The following PRKCE variants were observed in gnomAD, a reference collection of about 807,000 sequenced individuals.
PRKCE encodes protein kinase C epsilon.
Under a neutral mutation model 85.4 loss-of-function variants are expected in PRKCE, and 16 were observed. That is an observed-to-expected ratio of 0.19 (90% confidence interval 0.13 to 0.28). The LOEUF (loss-of-function observed/expected upper bound fraction) is 0.28. Ranked by LOEUF, PRKCE falls within the 10% of genes least tolerant of loss-of-function variation. PRKCE has a pLI of 1.00. For synonymous variants in PRKCE, 388 were observed against 371.5 expected, an observed-to-expected ratio of 1.04 and a Z score of -0.51; for missense variants, 573 against 975.2, an observed-to-expected ratio of 0.59 and a Z score of 5.49.
At chr2:45,716,630 G>A (rs1022860101) in intron 1 of PRKCE, among the ~76,000 whole-genome samples, 1 of 146,302 alleles carries the variant, frequency 6.8e-6, no homozygotes, top group African/African-American at 2.5e-5. Context: ...GAAGGAGAAG[G>A]AGAAGAAGAA....
intron 1 of PRKCE, among the ~76,000 whole-genome samples, chr2:45,796,002 C>G (rs536607772): frequency 1.3e-5 from 2 of 152,190 alleles, no homozygotes; most frequent in Admixed American, 6.5e-5. Context: ...TACTCCCATC[C>G]TCCATCTCCC....
At chr2:45,680,431 T>C (rs1676798569) in intron 1 of PRKCE, among the ~76,000 whole-genome samples, 1 of 152,188 alleles carries the variant, frequency 6.6e-6, no homozygotes, top group Admixed American at 6.5e-5. Flanking sequence ...CGCTAACCTG[T>C]GGTGGGGATG....
chr2:45,687,811 T>G (rs1332474433), intron 1 of PRKCE, among the ~76,000 whole-genome samples: 3 of 152,242 alleles, frequency 2.0e-5, no homozygotes, highest in Non-Finnish European at 4.4e-5. Flanking sequence ...GGGAGAGTCC[T>G]AATTATAAGG....
intron 10 of PRKCE, among the ~76,000 whole-genome samples, chr2:46,080,759 G>A (rs1668993964): frequency 6.6e-6 from 1 of 152,180 alleles, no homozygotes; most frequent in African/African-American, 2.4e-5. Flanking sequence ...GTTCCTCAAG[G>A]AGCTGAACAT....
rs142038084 is a variant in PRKCE, at chr2:45,931,769, C to T, written c.413-44660C>T. Among the ~76,000 whole-genome samples the T allele has an allele frequency of 4.3e-3, 650 of 152,136 alleles. 6 individuals carry two copies. The highest frequency in any genetic ancestry group is 0.015 in the African/African-American group (607 of 41,504). On this transcript the variant is annotated intron_variant, in intron 2 of 14. Transcript: ENST00000306156. ...CCACCCAGGCTGGAGTGCAGTGGCG[C>T]GATTTCGGCTCACTGCAGCCTTCGC...
At chr2:45,857,547 C>A (rs1692775074) in intron 2 of PRKCE, among the ~76,000 whole-genome samples, 1 of 152,122 alleles carries the variant, frequency 6.6e-6, no homozygotes, top group South Asian at 2.1e-4. Context: ...TAATTTTTTT[C>A]TAATTCATTG....
intron 1 of PRKCE, among the ~76,000 whole-genome samples, chr2:45,801,467 G>C (rs76864461): frequency 0.05 from 7,658 of 151,840 alleles, 638 homozygotes; most frequent in African/African-American, 0.17. Context: ...AGTGGAGAAG[G>C]GGGTAAATCC....
intron 11 of PRKCE, among the ~76,000 whole-genome samples, chr2:46,105,696 C>T (rs1671651695): frequency 1.3e-5 from 2 of 152,134 alleles, no homozygotes; most frequent in African/African-American, 4.8e-5. Context: ...ACACAATTTG[C>T]TGGAGAGAGG....
At chr2:45,758,142 C>T (rs1381679823) in intron 1 of PRKCE, among the ~76,000 whole-genome samples, 1 of 152,198 alleles carries the variant, frequency 6.6e-6, no homozygotes, top group East Asian at 1.9e-4. Flanking sequence ...GATTGCCTCT[C>T]TATGCATCCT....
chr2:45,928,658 A>G (rs1217212825), intron 2 of PRKCE, among the ~76,000 whole-genome samples: 1 of 152,198 alleles, frequency 6.6e-6, no homozygotes, highest in Non-Finnish European at 1.5e-5. Context: ...TTTTTAACAG[A>G]AGGATGCCGA....
chr2:46,045,156 C>A (rs1189358340), intron 10 of PRKCE, among the ~76,000 whole-genome samples: 1 of 152,072 alleles, frequency 6.6e-6, no homozygotes, highest in Non-Finnish European at 1.5e-5. Flanking sequence ...CTAGGGTATA[C>A]CACATATAGC....
At chr2:45,724,597 G>T (rs1350991659) in intron 1 of PRKCE, among the ~76,000 whole-genome samples, 1 of 152,246 alleles carries the variant, frequency 6.6e-6, no homozygotes, top group Non-Finnish European at 1.5e-5. Context: ...CGGCCAAGTT[G>T]TGAATGCAAA....
chr2:45,667,396 C>T (rs745454355), intron 1 of PRKCE, among the ~76,000 whole-genome samples: 1 of 152,158 alleles, frequency 6.6e-6, no homozygotes, highest in Non-Finnish European at 1.5e-5. Flanking sequence ...GATCCTCTCA[C>T]TTCGGCCTCC....
chr2:46,097,008 G>T (rs1670752667), intron 11 of PRKCE, among the ~76,000 whole-genome samples: 1 of 152,212 alleles, frequency 6.6e-6, no homozygotes, highest in Non-Finnish European at 1.5e-5. Flanking sequence ...CCCCCACGAT[G>T]GTGGCAGTGC....
At position 46,144,074 on chromosome 2, in the gene PRKCE, G is replaced by A. The variant is rs374688468; in HGVS notation, c.1593-1019G>A. ...ACCACCCAGTCTGGGTTCTTCTACCGTGTCAGGGCTGTGGGTTCCAGGCAT... is the reference window on the plus strand; with the variant it reads ...ACCACCCAGTCTGGGTTCTTCTACCATGTCAGGGCTGTGGGTTCCAGGCAT... On this transcript the variant is annotated intron_variant, in intron 11 of 14. Coordinates refer to ENST00000306156, the MANE Select transcript of PRKCE (RefSeq NM_005400.3). 2.0e-4 allele frequency among the ~76,000 whole-genome samples: 30 copies of A among 152,300 alleles called. No individual in the cohort carries two copies. In the South Asian group the frequency reaches 2.7e-3, roughly 14 times the overall value.
chr2:45,727,440 T>C (rs1221772434), intron 1 of PRKCE, among the ~76,000 whole-genome samples: 1 of 152,130 alleles, frequency 6.6e-6, no homozygotes, highest in Non-Finnish European at 1.5e-5. Context: ...AGGACGGGGT[T>C]CAAACTCTGC....
At chr2:46,099,514 T>C (rs1434050497) in intron 11 of PRKCE, among the ~76,000 whole-genome samples, 1 of 148,634 alleles carries the variant, frequency 6.7e-6, no homozygotes, top group African/African-American at 2.5e-5. Context: ...TTTTTTTTTT[T>C]ACGCTAACTT....
chr2:46,046,032 C>G (rs1167060663), intron 10 of PRKCE, among the ~76,000 whole-genome samples: 3 of 152,158 alleles, frequency 2.0e-5, no homozygotes, highest in Non-Finnish European at 4.4e-5. Flanking sequence ...TGGAAGGAGG[C>G]CTGAGTCACA....
At chr2:45,815,002 A>G (rs750848100) in intron 1 of PRKCE, among the ~76,000 whole-genome samples, 1 of 152,188 alleles carries the variant, frequency 6.6e-6, no homozygotes, top group Non-Finnish European at 1.5e-5. Context: ...TCCTGGTTGG[A>G]GATGGCTTCA....
Sources: allele counts gnomAD v4.1 joint callset (sites outside exome capture counted in the v4.1 genomes callset), GRCh38; gene constraint gnomAD v4.1.1; transcripts MANE v1.5; gene names NCBI Gene and HGNC (gene_info 2026-07-23, HGNC 2026-07-21).